Variants in SLC39A8 observed in about 807,000 individuals in gnomAD.
SLC39A8 encodes metal cation symporter ZIP8.
Under a neutral mutation model 40.4 loss-of-function variants are expected in SLC39A8, and 15 were observed. The ratio of observed to expected loss-of-function variants is 0.37; its 90% CI spans 0.25 to 0.57. The LOEUF (loss-of-function observed/expected upper bound fraction) is 0.57. SLC39A8 is among the 20% of genes least tolerant of loss of function. SLC39A8 has a pLI of 0.75. For missense variants in SLC39A8, 472 were observed against 558.8 expected (o/e 0.84, Z 1.57); for synonymous variants, 223 against 221.6 (o/e 1.01, Z -0.06).
At chr4:102,264,066 C>A (rs1731982917) in intron 8 of SLC39A8, among the ~76,000 whole-genome samples, 1 of 152,202 alleles carries the variant, frequency 6.6e-6, no homozygotes, top group Non-Finnish European at 1.5e-5. Flanking sequence ...TGACTCCTTC[C>A]ATAAATCACA....
chr4:102,335,460 T>C (rs1047803153), intron 2 of SLC39A8, among the ~76,000 whole-genome samples: 11 of 152,102 alleles, frequency 7.2e-5, no homozygotes, highest in Admixed American at 3.9e-4. Flanking sequence ...ATGCAGAGGG[T>C]CCTGGATTCT....
At chr4:102,266,526 C>T (rs1732104184) in intron 8 of SLC39A8, among the ~76,000 whole-genome samples, 1 of 152,078 alleles carries the variant, frequency 6.6e-6, no homozygotes, top group African/African-American at 2.4e-5. Context: ...GATTTTCATA[C>T]ACTACCATAT....
At chr4:102,318,618 C>G (rs544066199) in intron 2 of SLC39A8, among the ~76,000 whole-genome samples, 1 of 152,154 alleles carries the variant, frequency 6.6e-6, no homozygotes, top group South Asian at 2.1e-4. Context: ...GAGTCCAGCG[C>G]CTGAAGAGTG....
At chr4:102,305,757 C>G (rs1183998688) in intron 4 of SLC39A8, among the ~76,000 whole-genome samples, 1 of 151,914 alleles carries the variant, frequency 6.6e-6, no homozygotes, top group Non-Finnish European at 1.5e-5. Flanking sequence ...CTTTAAAGGA[C>G]AAAGAACTGG....
chr4:102,308,207 A>AAGTC (rs377188474), intron 3 of SLC39A8, among the ~76,000 whole-genome samples: 5 of 152,160 alleles, frequency 3.3e-5, no homozygotes, highest in African/African-American at 7.2e-5. Flanking sequence ...CTGGGAATCA[A>AAGTC]AGTCAGTCTG....
At chr4:102,272,081 G>C (rs1435491044) in intron 6 of SLC39A8, among the ~76,000 whole-genome samples, 1 of 152,092 alleles carries the variant, frequency 6.6e-6, no homozygotes, top group Non-Finnish European at 1.5e-5. Context: ...GCTCCTGCCA[G>C]TAATCCCAGC....
At chr4:102,310,297 G>A (rs1247573399) in intron 3 of SLC39A8, among the ~76,000 whole-genome samples, 2 of 152,042 alleles carry the variant, frequency 1.3e-5, no homozygotes, top group Non-Finnish European at 1.5e-5. Context: ...TGGCTGGTCA[G>A]GATTCCCATT....
chr4:102,266,249 T>C (rs1450894299), intron 8 of SLC39A8, among the ~76,000 whole-genome samples: 1 of 152,170 alleles, frequency 6.6e-6, no homozygotes, highest in Non-Finnish European at 1.5e-5. Flanking sequence ...TATTATTTCT[T>C]TAAACTGAAC....
intron 2 of SLC39A8, among the ~76,000 whole-genome samples, 173 bp downstream of exon 2, chr4:102,344,271 A>C (rs1736061827): frequency 6.6e-6 from 1 of 152,070 alleles, no homozygotes; most frequent in Non-Finnish European, 1.5e-5. Flanking sequence ...TTAACCTTTT[A>C]ATCCTTCAGC....
chr4:102,298,603 G>C (rs1733776723), intron 6 of SLC39A8, among the ~76,000 whole-genome samples: 1 of 152,028 alleles, frequency 6.6e-6, no homozygotes, highest in Non-Finnish European at 1.5e-5. Flanking sequence ...TGGTCTTTTA[G>C]TGAAATAGTG....
chr4:102,299,584 T>C (rs1184154367), intron 6 of SLC39A8, among the ~76,000 whole-genome samples: 1 of 152,050 alleles, frequency 6.6e-6, no homozygotes, highest in Admixed American at 6.6e-5. Flanking sequence ...AATGTTAGCA[T>C]TCTATTCATA....
intron 2 of SLC39A8, among the ~76,000 whole-genome samples, chr4:102,332,930 A>G (rs2149052376): frequency 6.6e-6 from 1 of 152,124 alleles, no homozygotes. Context: ...AAAACCAAAC[A>G]CCGCATGTTC....
intron 3 of SLC39A8, among the ~76,000 whole-genome samples, chr4:102,314,214 G>T (rs1416022583): frequency 1.3e-5 from 2 of 151,804 alleles, no homozygotes; most frequent in African/African-American, 2.4e-5. Context: ...TGATCTCCAG[G>T]ACTCATCCCG....
intron 6 of SLC39A8, among the ~76,000 whole-genome samples, chr4:102,295,886 T>G (rs1260410918): frequency 6.6e-6 from 1 of 152,100 alleles, no homozygotes; most frequent in African/African-American, 2.4e-5. Flanking sequence ...TTGGACAAGC[T>G]TTTATCTGGG....
chr4:102,300,296 AAT>A (rs1304412017), intron 6 of SLC39A8, among the ~76,000 whole-genome samples: 1 of 152,068 alleles, frequency 6.6e-6, no homozygotes, highest in Non-Finnish European at 1.5e-5. Flanking sequence ...CACTGTGATA[AAT>A]ATGCTTCCAT....
rs145314893 is a variant in SLC39A8 at position 102,302,080 on chromosome 4, G to A, written c.840+2237C>T. On this transcript the variant is annotated intron_variant, in intron 6 of 8. Coordinates refer to ENST00000356736, the MANE Select transcript of SLC39A8 (RefSeq NM_001135146.2). ...TTAAATCTCAAACTGTATCTCTTCC[G>A]TGCTTTGTGTTACAGGACTTGAGGA... 1.4e-4 allele frequency among the ~76,000 whole-genome samples: 21 copies of A among 152,012 alleles called. No homozygotes were observed. The East Asian group carries it at 3.1e-3, about 23-fold the overall frequency.
intron 2 of SLC39A8, among the ~76,000 whole-genome samples, chr4:102,341,341 T>G (rs1221926920): frequency 6.6e-6 from 1 of 152,106 alleles, no homozygotes; most frequent in Admixed American, 6.5e-5. Context: ...TATCTACACA[T>G]AAGAACTTGA....
In SLC39A8 at chr4:102,304,374, A is replaced by T. The variant is rs1401923977; in HGVS notation, c.783T>A (p.Ala261=). The T allele has an allele frequency of 1.2e-6, 2 of 1,611,770 alleles. No homozygotes were observed. Among genetic ancestry groups the T allele is most frequent in the Admixed American group, 3.3e-5 (2 of 59,846 alleles). Residue 261 remains alanine, a synonymous_variant, in exon 6 of 9, where the codon GCT becomes GCA. Transcript: ENST00000356736. ...GGATATGTCCATTAGCTTCTGTGAC[A>T]GCAGGATTTGCATAGCATGTCACAC... The part of the protein sequence containing the change: ...INGVTCYANP[A]VTEANGHIHF...
chr4:102,297,876 G>A (rs1246579081), intron 6 of SLC39A8, among the ~76,000 whole-genome samples: 4 of 151,938 alleles, frequency 2.6e-5, no homozygotes, highest in Non-Finnish European at 5.9e-5. Flanking sequence ...CTCTGATTAA[G>A]CCCTGCACTC....
Sources: allele counts gnomAD v4.1 joint callset (sites outside exome capture counted in the v4.1 genomes callset), GRCh38; gene constraint gnomAD v4.1.1; transcripts MANE v1.5; gene names NCBI Gene and HGNC (gene_info 2026-07-23, HGNC 2026-07-21).